WNT3: variants seen among roughly 807,000 people sequenced by gnomAD.
WNT3 encodes proto-oncogene Wnt-3.
WNT3 carries 7 observed loss-of-function variants against 34.2 expected under a neutral mutation model. The ratio of observed to expected loss-of-function variants is 0.20; its 90% confidence interval spans 0.12 to 0.38. The LOEUF is 0.38. WNT3 is among the 10% of genes least tolerant of loss of function. WNT3 has a pLI of 1.00. For synonymous variants in WNT3, 212 were observed against 211.5 expected (o/e 1.00, Z -0.02); for missense variants, 267 against 499.8 (o/e 0.53, Z 4.44).
Position 46,768,079 on chromosome 17 carries a change from C to T in WNT3, c.*8+233G>A, listed in dbSNP as rs963654458. 1.5e-4 allele frequency among the ~76,000 whole-genome samples: 23 copies of T among 152,202 alleles called. No individual in the cohort carries two copies. The highest frequency in any genetic ancestry group is 4.3e-4 in the African/African-American group (18 of 41,466). On this transcript the variant is annotated intron_variant, in intron 4 of 4. Transcript: ENST00000225512. The surrounding 1 kb of genome is among the most constrained non-coding windows in gnomAD (Gnocchi z 5.0). ...CTGGGATTACAGGCGTGAGCCACCG[C>T]ACCCGGCCAACACTGGGTTTTTATC...
At chr17:46,817,556 G>A (rs1260314401) in intron 1 of WNT3, among the ~76,000 whole-genome samples, 1 of 152,102 alleles carries the variant, frequency 6.6e-6, no homozygotes, top group Non-Finnish European at 1.5e-5. Context: ...GGGGCCGCTC[G>A]GAAAACAAGG....
chr17:46,813,720 T>TC (rs1243631829), intron 1 of WNT3, among the ~76,000 whole-genome samples: 1 of 152,162 alleles, frequency 6.6e-6, no homozygotes, highest in Non-Finnish European at 1.5e-5. Flanking sequence ...TCCTGTGCCA[T>TC]CCCCTGGCTC....
At chr17:46,780,560 G>A (rs7224106) in intron 1 of WNT3, among the ~76,000 whole-genome samples, 23,745 of 152,182 alleles carry the variant, frequency 0.16, 3,635 homozygotes, top group East Asian at 0.5. Context: ...AGGCCGAGGC[G>A]GGAGGATCAC....
intron 1 of WNT3, among the ~76,000 whole-genome samples, chr17:46,790,728 C>G (rs11655598): frequency 0.19 from 29,480 of 152,196 alleles, 3,578 homozygotes; most frequent in East Asian, 0.33. Context: ...TTCACGGCCA[C>G]AGAAGCAAAA....
At chr17:46,816,485 A>G (rs201405220) in intron 1 of WNT3, among the ~76,000 whole-genome samples, 15,012 of 101,320 alleles carry the variant, frequency 0.15, 831 homozygotes, top group East Asian at 0.39. Context: ...GCACACACAC[A>G]CACACACACA....
At chr17:46,794,699 G>C (rs111776095) in intron 1 of WNT3, among the ~76,000 whole-genome samples, 96 of 151,192 alleles carry the variant, frequency 6.3e-4, no homozygotes, top group African/African-American at 2.2e-3. Context: ...GGAAGATCTC[G>C]ACCTCCTTCC....
At position 46,773,922 on chromosome 17, in the gene WNT3, A is replaced by G; in HGVS notation, c.81-13T>C. 6.2e-7 allele frequency: 1 copy of G among 1,610,094 alleles called. No individual in the cohort carries two copies. Among genetic ancestry groups the G allele is most frequent in the African/African-American group, 1.3e-5 (1 of 74,990 alleles). On this transcript the variant is annotated splice_polypyrimidine_tract_variant and intron_variant, in intron 1 of 4. Coordinates refer to ENST00000225512, the MANE Select transcript of WNT3 (RefSeq NM_030753.5). ...CAGGGCCAGGGACCTGCAGGCAGAC[A>G]GAGGGTAGTAACACTGTGGGCACAA...
At chr17:46,786,032 A>T (rs1416559463) in intron 1 of WNT3, among the ~76,000 whole-genome samples, 2 of 152,196 alleles carry the variant, frequency 1.3e-5, no homozygotes, top group Non-Finnish European at 2.9e-5. Flanking sequence ...TGTTGTGAGC[A>T]TGAAGTGCTT....
intron 1 of WNT3, among the ~76,000 whole-genome samples, chr17:46,800,080 T>C (rs2084105080): frequency 6.6e-6 from 1 of 152,134 alleles, no homozygotes; most frequent in Non-Finnish European, 1.5e-5. Context: ...AGGAGTCTGA[T>C]TCCTGGGCCA....
intron 1 of WNT3, among the ~76,000 whole-genome samples, chr17:46,775,803 CG>C (rs546273350): frequency 3.0e-3 from 451 of 151,414 alleles, no homozygotes; most frequent in Non-Finnish European, 4.5e-3. Flanking sequence ...TTAGTAGAGA[CG>C]GGGTTTCACC....
chr17:46,791,125 C>G (rs79919985), intron 1 of WNT3, among the ~76,000 whole-genome samples: 1,639 of 152,250 alleles, frequency 0.011, 28 homozygotes, highest in African/African-American at 0.038. Context: ...AGGCAGCAAG[C>G]CTTTTCCCTA....
At chr17:46,781,815 C>T (rs186855076) in intron 1 of WNT3, among the ~76,000 whole-genome samples, 4 of 152,322 alleles carry the variant, frequency 2.6e-5, no homozygotes, top group Admixed American at 6.5e-5. Context: ...AATTCCAGAG[C>T]CCCGGGTCTA....
At chr17:46,807,875 T>C (rs1250244004) in intron 1 of WNT3, among the ~76,000 whole-genome samples, 3 of 152,212 alleles carry the variant, frequency 2.0e-5, no homozygotes, top group Non-Finnish European at 2.9e-5. Context: ...AAGGGAAGCA[T>C]GCTTTATCAG....
Position 46,811,277 on chromosome 17 carries a change from T to G in WNT3, c.80+7241A>C, listed in dbSNP as rs150783705. 4.1e-3 allele frequency among the ~76,000 whole-genome samples: 409 copies of G among 100,938 alleles called. 15 individuals are homozygous for G. The East Asian group carries it at 0.066, about 16-fold the overall frequency. The allele number at this position is 100,938 out of a possible 152,430, so 66.2% of individuals were successfully genotyped here. A position where few individuals can be genotyped will look rare whatever the true frequency, so the allele number is the denominator to read the frequency against. On this transcript the variant is annotated intron_variant, in intron 1 of 4. Coordinates refer to ENST00000225512, the MANE Select transcript of WNT3 (RefSeq NM_030753.5). ...GTCATCGGGCGGGTTGTTGCATGGG[T>G]CAGTGTTAATATGGGAAATGCTGAT...
intron 1 of WNT3, among the ~76,000 whole-genome samples, chr17:46,787,703 C>T (rs543933583): frequency 2.2e-4 from 34 of 152,312 alleles, no homozygotes; most frequent in Middle Eastern, 3.4e-3. Flanking sequence ...CCTGTATTCC[C>T]GGCACTTTGG....
At chr17:46,795,895 T>TGCACGCACACACAC (rs2084047315) in intron 1 of WNT3, among the ~76,000 whole-genome samples, 1 of 151,920 alleles carries the variant, frequency 6.6e-6, no homozygotes, top group Admixed American at 6.6e-5. Context: ...CACACACACA[T>TGCACGCACACACAC]GCATGCACGC....
At chr17:46,811,349 C>T (rs3933652) in intron 1 of WNT3, among the ~76,000 whole-genome samples, 20,520 of 151,994 alleles carry the variant, frequency 0.14, 1,465 homozygotes, top group African/African-American at 0.16. Context: ...CTGTCAATGG[C>T]GCGGAAGTGA....
At chr17:46,791,218 T>C (rs1039897746) in intron 1 of WNT3, among the ~76,000 whole-genome samples, 7 of 145,314 alleles carry the variant, frequency 4.8e-5, no homozygotes, top group Non-Finnish European at 9.1e-5. Context: ...TTCCTTACTC[T>C]TTTTTTTTTT....
chr17:46,805,310 C>T (rs1300622911), intron 1 of WNT3, among the ~76,000 whole-genome samples: 2 of 152,094 alleles, frequency 1.3e-5, no homozygotes, highest in South Asian at 2.1e-4. Flanking sequence ...CAGTGGCTCA[C>T]GCCTGTAATC....
Sources: gnomAD v4.1 joint callset for allele counts (sites outside exome capture counted in the v4.1 genomes callset) on GRCh38, gnomAD v4.1.1 for gene constraint, Gnocchi (gnomAD v3.1) non-coding constraint, MANE v1.5 for transcripts, NCBI Gene and HGNC (gene_info 2026-07-23, HGNC 2026-07-21) for gene names.